The following GPR158 variants were observed in gnomAD, a reference collection of about 807,000 sequenced individuals.
GPR158 encodes the protein metabotropic glycine receptor.
Under a neutral mutation model 78.2 loss-of-function variants are expected in GPR158, and 30 were observed. The observed-to-expected ratio is 0.38, with a 90% CI of 0.29 to 0.52. GPR158 has a LOEUF of 0.52. Ranked by LOEUF, GPR158 falls within the 20% of genes least tolerant of loss-of-function variation. The probability of loss-of-function intolerance (pLI) is 0.83; values close to 1 mark genes in which losing one functional copy is unlikely to be tolerated. For synonymous variants in GPR158, 581 were observed against 591.1 expected (o/e 0.98, Z 0.25); for missense variants, 1,463 against 1,523.5 (o/e 0.96, Z 0.66).
intron 5 of GPR158, among the ~76,000 whole-genome samples, chr10:25,477,189 A>T (rs1435060032): frequency 6.6e-6 from 1 of 152,126 alleles, no homozygotes; most frequent in African/African-American, 2.4e-5. Context: ...GAAAAACAAG[A>T]GAATTTGATC....
At chr10:25,196,432 T>C (rs192982027) in intron 1 of GPR158, among the ~76,000 whole-genome samples, 1 of 152,352 alleles carries the variant, frequency 6.6e-6, no homozygotes, top group East Asian at 1.9e-4. Context: ...TGAATTATTG[T>C]TGTTCCAACT....
chr10:25,266,170 CT>C (rs1472234791), intron 2 of GPR158, among the ~76,000 whole-genome samples: 2 of 152,136 alleles, frequency 1.3e-5, no homozygotes, highest in African/African-American at 4.8e-5. Flanking sequence ...TTGCTCTGAC[CT>C]TAAGTTTCTT....
intron 2 of GPR158, among the ~76,000 whole-genome samples, chr10:25,316,161 TTTTC>T (rs1854845147): frequency 6.6e-6 from 1 of 152,140 alleles, no homozygotes; most frequent in Admixed American, 6.6e-5. Flanking sequence ...CCTCAAAGAT[TTTTC>T]TTTATCTTTA....
chr10:25,572,857 A>T lies in GPR158; in HGVS notation c.1723A>T (p.Ile575Phe). 1 of 1,610,736 alleles carries T rather than the reference A, an allele frequency of 6.2e-7. No homozygotes were observed. The highest frequency in any genetic ancestry group is 8.5e-7 in the Non-Finnish European group (1 of 1,176,914). Residue 575 changes from isoleucine to phenylalanine, a missense_variant, in exon 7 of 11, where the codon ATT becomes TTT. Ile to Phe is a conservative substitution (Grantham distance 21). Transcript: ENST00000376351. ...SDHLIFNMCL[I>F]DRWDYMTAVA... Reference sequence around the variant, plus strand: ...TCACCTCATCTTCAATATGTGCCTCATTGACCGCTGGGACTACATGACAGC... The same window carrying T: ...TCACCTCATCTTCAATATGTGCCTCTTTGACCGCTGGGACTACATGACAGC...
chr10:25,505,023 C>T (rs573299836), intron 5 of GPR158, among the ~76,000 whole-genome samples: 5 of 152,284 alleles, frequency 3.3e-5, no homozygotes, highest in African/African-American at 1.2e-4. Context: ...TCACTTTTCT[C>T]ATCTGTAAAA....
chr10:25,268,548 T>G (rs1854073400), intron 2 of GPR158, among the ~76,000 whole-genome samples: 3 of 152,162 alleles, frequency 2.0e-5, no homozygotes, highest in African/African-American at 7.2e-5. Flanking sequence ...TGAATCGGTA[T>G]TCTCAATGAA....
intron 4 of GPR158, among the ~76,000 whole-genome samples, chr10:25,451,267 T>A (rs1399415214): frequency 6.6e-6 from 1 of 152,218 alleles, no homozygotes; most frequent in Non-Finnish European, 1.5e-5. Context: ...AAAGGATTCA[T>A]CAGTGTGTAT....
intron 6 of GPR158, among the ~76,000 whole-genome samples, chr10:25,553,245 GAT>G (rs1836748589): frequency 6.6e-6 from 1 of 152,156 alleles, no homozygotes; most frequent in Non-Finnish European, 1.5e-5. Context: ...GTATGCAAAT[GAT>G]TGCAATTTGG....
intron 1 of GPR158, among the ~76,000 whole-genome samples, chr10:25,205,201 C>A (rs1040930793): frequency 6.6e-6 from 1 of 151,232 alleles, no homozygotes; most frequent in African/African-American, 2.4e-5. Context: ...TCAGGTATGT[C>A]TTTATCAGCA....
At position 25,449,531 on chromosome 10, in the gene GPR158, C is replaced by T. The variant is rs1037852684; in HGVS notation, c.1336-17120C>T. Among the ~76,000 whole-genome samples the T allele has an allele frequency of 4.6e-5, 7 of 152,064 alleles. No individual in the cohort carries two copies. The East Asian group carries it at 7.7e-4, about 17-fold the overall frequency. ...TGAGCACAAAACATGGGGAACATCA[C>T]CCAATGTGGTTAGTTCAGAAAAGAC... On this transcript the variant is annotated intron_variant, in intron 4 of 10. Coordinates refer to ENST00000376351, the MANE Select transcript of GPR158 (RefSeq NM_020752.3).
chr10:25,374,306 G>A (rs532840647), intron 2 of GPR158, among the ~76,000 whole-genome samples: 8 of 151,314 alleles, frequency 5.3e-5, no homozygotes, highest in Non-Finnish European at 8.9e-5. Flanking sequence ...ATAGAGGGAG[G>A]TTTTCTATAT....
chr10:25,393,115 T>C (rs961438725), intron 2 of GPR158, among the ~76,000 whole-genome samples: 1 of 152,232 alleles, frequency 6.6e-6, no homozygotes, highest in Admixed American at 6.5e-5. Flanking sequence ...TTTGGCAATA[T>C]GTACCAGATC....
intron 2 of GPR158, among the ~76,000 whole-genome samples, chr10:25,386,764 T>C (rs575751267): frequency 6.6e-6 from 1 of 152,294 alleles, no homozygotes; most frequent in South Asian, 2.1e-4. Context: ...ACTTTTGGAT[T>C]ATTCATTGTT....
chr10:25,599,228 T>C lies in GPR158; in HGVS notation c.3602T>C (p.Ile1201Thr). Residue 1201 changes from isoleucine to threonine, a missense_variant, in exon 11 of 11, where the codon ATA (isoleucine) becomes ACA (threonine). Coordinates refer to ENST00000376351, the MANE Select transcript of GPR158 (RefSeq NM_020752.3). Reference sequence around the variant, plus strand: ...TCTTCTGCTCTAAGTGCAAATAAGATAGCAGGGCCTAGGAAAGAAGAGATC... The same window carrying C: ...TCTTCTGCTCTAAGTGCAAATAAGACAGCAGGGCCTAGGAAAGAAGAGATC... ...PASSALSANK[I>T]AGPRKEEIWD... is the part of the protein sequence containing the mutation. 5 of 1,612,522 alleles carry C rather than the reference T, an allele frequency of 3.1e-6. No homozygotes were observed. Among genetic ancestry groups the C allele is most frequent in the Middle Eastern group, 1.7e-4 (1 of 6,058 alleles).
At chr10:25,539,918 A>G (rs1282465507) in intron 5 of GPR158, among the ~76,000 whole-genome samples, 1 of 152,180 alleles carries the variant, frequency 6.6e-6, no homozygotes, top group Non-Finnish European at 1.5e-5. Context: ...GTATGGAAGC[A>G]CATCTCTTGC....
chr10:25,513,570 G>A (rs1836116773), intron 5 of GPR158, among the ~76,000 whole-genome samples: 1 of 150,996 alleles, frequency 6.6e-6, no homozygotes, highest in African/African-American at 2.4e-5. Flanking sequence ...GTTTGGGTTT[G>A]GATTGTTCCT....
intron 5 of GPR158, among the ~76,000 whole-genome samples, chr10:25,516,731 T>G (rs1836179528): frequency 1.9e-5 from 2 of 105,386 alleles, no homozygotes; most frequent in South Asian, 7.6e-4. Context: ...TTGATCTATA[T>G]CTCTGTTTTG....
chr10:25,293,293 CA>C (rs1854466084), intron 2 of GPR158, among the ~76,000 whole-genome samples: 1 of 152,198 alleles, frequency 6.6e-6, no homozygotes, highest in South Asian at 2.1e-4. Flanking sequence ...TATATGGAGT[CA>C]GGGGAAGGTA....
At chr10:25,339,504 T>C (rs1008255589) in intron 2 of GPR158, among the ~76,000 whole-genome samples, 1 of 152,116 alleles carries the variant, frequency 6.6e-6, no homozygotes, top group Non-Finnish European at 1.5e-5. Flanking sequence ...TTTGTTTTTC[T>C]TTCTGATTGC....
Sources: gnomAD v4.1 joint callset for allele counts (sites outside exome capture counted in the v4.1 genomes callset) on GRCh38, gnomAD v4.1.1 for gene constraint, MANE v1.5 for transcripts, NCBI Gene and HGNC (gene_info 2026-07-23, HGNC 2026-07-21) for gene names.